The following CFHR4 variants were observed in gnomAD, a reference collection of about 807,000 sequenced individuals.
CFHR4 encodes complement factor H related 4.
CFHR4 carries 64 observed loss-of-function variants against 69.3 expected under a neutral mutation model. The ratio of observed to expected loss-of-function variants is 0.92; its 90% CI spans 0.76 to 1.14. The LOEUF (loss-of-function observed/expected upper bound fraction) is 1.14, where lower values mean the gene tolerates loss of function less well. Ranked by LOEUF, CFHR4 falls within the 50% of genes most tolerant of loss-of-function variation. The pLI is 0.00. For synonymous variants in CFHR4, 244 were observed against 237.0 expected, an observed-to-expected ratio of 1.03 and a Z score of -0.27; for missense variants, 636 against 684.9, an observed-to-expected ratio of 0.93 and a Z score of 0.80.
intron 1 of CFHR4, among the ~76,000 whole-genome samples, chr1:196,894,770 G>A (rs1282060439): frequency 1.3e-5 from 2 of 151,190 alleles, no homozygotes; most frequent in African/African-American, 4.9e-5. Context: ...ATTTGATTAT[G>A]ACCAAGTATA....
At chr1:196,891,196 G>A (rs974098062) in intron 1 of CFHR4, among the ~76,000 whole-genome samples, 2 of 151,492 alleles carry the variant, frequency 1.3e-5, no homozygotes, top group Non-Finnish European at 2.9e-5. Flanking sequence ...AGGTTGCAGT[G>A]AGCCAAGATC....
At chr1:196,902,324 A>G (rs1657659409) in intron 1 of CFHR4, 94 bp from the exon 2 acceptor site, 1 of 901,116 alleles carries the variant, frequency 1.1e-6, no homozygotes, top group Non-Finnish European at 1.7e-6. Flanking sequence ...CATTACACTA[A>G]GAAGAGAATA....
chr1:196,914,524 TC>T lies in CFHR4; in HGVS notation c.1212del (p.Arg405GlufsTer34). On this transcript the variant is annotated frameshift_variant, in exon 8 of 10. Coordinates refer to ENST00000608469, the MANE Select transcript of CFHR4 (RefSeq NM_001201550.3). LOFTEE classifies it high-confidence loss of function. ...TTGTGATATGCCTGTTTTTGAGAAT[TC>T]CAGAGCCAAGAGTAATGGCATGCGG... is the stretch of plus-strand genomic sequence containing the variant. ...KFCDMPVFEN[S>X]RAKSNGMRFK... The T allele has an allele frequency of 6.2e-7, 1 of 1,606,060 alleles. No individual in the cohort carries two copies. The highest frequency in any genetic ancestry group is 1.1e-5 in the South Asian group (1 of 89,406).
At chr1:196,897,300 C>A (rs376747706) in intron 1 of CFHR4, among the ~76,000 whole-genome samples, 3 of 151,428 alleles carry the variant, frequency 2.0e-5, no homozygotes, top group Non-Finnish European at 4.4e-5. Context: ...TCTGGCCCCA[C>A]GGCAGCGTCT....
intron 9 of CFHR4, 81 bp downstream of exon 9, chr1:196,915,219 G>A: frequency 7.8e-7 from 1 of 1,281,042 alleles, no homozygotes; most frequent in Non-Finnish European, 1.1e-6. Flanking sequence ...AATTTTTATG[G>A]GTTATTACCC....
intron 1 of CFHR4, among the ~76,000 whole-genome samples, chr1:196,900,454 T>G (rs924824287): frequency 6.6e-6 from 1 of 151,236 alleles, no homozygotes; most frequent in African/African-American, 2.4e-5. Flanking sequence ...TACTTTTAAT[T>G]ATACTTCCTT....
intron 1 of CFHR4, among the ~76,000 whole-genome samples, chr1:196,894,128 C>T (rs1272149642): frequency 5.9e-5 from 9 of 151,498 alleles, no homozygotes; most frequent in Admixed American, 2.0e-4. Flanking sequence ...CCCCCTTTTC[C>T]GTTGTTAATG....
At chr1:196,917,216 A>T (rs1193935007) in intron 9 of CFHR4, among the ~76,000 whole-genome samples, 1 of 151,854 alleles carries the variant, frequency 6.6e-6, no homozygotes, top group Admixed American at 6.6e-5. Flanking sequence ...ACTAGAATGC[A>T]GAATACTTGA....
chr1:196,905,052 C>G, intron 2 of CFHR4, 56 bp from the exon 3 acceptor site: 2 of 1,415,166 alleles, frequency 1.4e-6, no homozygotes, highest in Non-Finnish European at 1.9e-6. Flanking sequence ...TTGTTCCCTT[C>G]TATAAAAGAA....
chr1:196,909,585 A>T (rs1488002615), intron 5 of CFHR4, among the ~76,000 whole-genome samples: 2 of 151,510 alleles, frequency 1.3e-5, no homozygotes, highest in Non-Finnish European at 2.9e-5. Flanking sequence ...AGATGGATTA[A>T]AATATGATTT....
rs1410063714 is a variant in CFHR4 at position 196,911,725 on chromosome 1, T to C, written c.998-1015T>C. Reference sequence around the variant, plus strand: ...GTCCTCAACAATAGGCCTAAGCCACTGAAAGAAAAGTCCCTTTTTCTCCTG... The same window carrying C: ...GTCCTCAACAATAGGCCTAAGCCACCGAAAGAAAAGTCCCTTTTTCTCCTG... On this transcript the variant is annotated intron_variant, in intron 6 of 9. Coordinates refer to ENST00000608469, the MANE Select transcript of CFHR4 (RefSeq NM_001201550.3). Among the ~76,000 whole-genome samples the C allele has an allele frequency of 1.3e-5, 2 of 151,586 alleles. 1 individual carries two copies. Among genetic ancestry groups the C allele is most frequent in the East Asian group, 3.9e-4 (2 of 5,184 alleles).
chr1:196,912,842 G>C lies in CFHR4; in HGVS notation c.1100G>C (p.Gly367Ala). Residue 367 changes from glycine to alanine, a missense_variant, in exon 7 of 10, where the codon GGA becomes GCA. Physicochemically the swap from Gly to Ala is moderately conservative, Grantham distance 60. Around this residue, in one of 3 missense-constraint regions of CFHR4, gnomAD observed 529 missense variants for 533.2 expected, o/e 0.99. Transcript: ENST00000608469. ...NKEIQYKCKP[G>A]YATADGNSSG... The stretch of plus-strand genomic sequence containing the variant: ...GAAATACAATATAAATGTAAACCAG[G>C]ATATGCAACAGCAGATGGAAATTCT... 6.2e-7 allele frequency: 1 copy of C among 1,610,714 alleles called. No individual in the cohort carries two copies. The highest frequency in any genetic ancestry group is 1.1e-5 in the South Asian group (1 of 90,488).
intron 3 of CFHR4, among the ~76,000 whole-genome samples, chr1:196,906,456 T>C (rs1558244456): frequency 6.6e-6 from 1 of 151,434 alleles, no homozygotes; most frequent in Non-Finnish European, 1.5e-5. Flanking sequence ...ATAATTTTAA[T>C]CCAACTTATA....
At position 196,888,183 on chromosome 1, in the gene CFHR4, G is replaced by T; in HGVS notation, c.33G>T (p.Leu11Phe). 2 of 1,611,240 alleles carry T rather than the reference G, an allele frequency of 1.2e-6. No homozygotes were observed. The highest frequency in any genetic ancestry group is 1.7e-6 in the Non-Finnish European group (2 of 1,178,644). MLLLINVILT[L>F]WVSCANGQEV... ...TACTAATCAATGTCATTCTGACCTT[G>T]TGGGTTTCCTGTGCTAATGGACAAG... Residue 11 changes from leucine to phenylalanine, a missense_variant, in exon 1 of 10, where the codon TTG (leucine) becomes TTT (phenylalanine). Leu to Phe is a conservative substitution (Grantham distance 22, BLOSUM62 0). Coordinates refer to ENST00000608469, the MANE Select transcript of CFHR4 (RefSeq NM_001201550.3).
chr1:196,896,930 G>T (rs147007272), intron 1 of CFHR4, among the ~76,000 whole-genome samples: 3 of 151,224 alleles, frequency 2.0e-5, no homozygotes, highest in African/African-American at 7.3e-5. Flanking sequence ...AAGTTCTAGG[G>T]TACATGTGCA....
chr1:196,902,396 G>A (rs370363594), intron 1 of CFHR4, 22 bp from the exon 2 acceptor site: 2 of 1,496,468 alleles, frequency 1.3e-6, no homozygotes, highest in Non-Finnish European at 1.8e-6. Flanking sequence ...TATTTATACT[G>A]TTTTTTGTTT....
In CFHR4 at chr1:196,918,621, C is replaced by A. The variant is rs1658794535; in HGVS notation, c.*215C>A. 8.3e-6 allele frequency: 4 copies of A among 483,742 alleles called. No individual in the cohort carries two copies. The highest frequency in any genetic ancestry group is 8.2e-5 in the East Asian group (2 of 24,254). The allele number at this position is 483,742 out of a possible 1,614,324, so 30.0% of individuals were successfully genotyped here. A position where few individuals can be genotyped will look rare whatever the true frequency, so the allele number is the denominator to read the frequency against. The stretch of plus-strand genomic sequence containing the variant: ...GCTTGTACTAAAATAATAAAAACTA[C>A]CCTTATATTGGACTTCCTATCAATG... On this transcript the variant is annotated 3_prime_UTR_variant, in exon 10 of 10. Coordinates refer to ENST00000608469, the MANE Select transcript of CFHR4 (RefSeq NM_001201550.3).
At chr1:196,897,800 C>T (rs1467461562) in intron 1 of CFHR4, among the ~76,000 whole-genome samples, 1 of 150,832 alleles carries the variant, frequency 6.6e-6, no homozygotes. Context: ...CATGGAGGGC[C>T]AAAAGGCAAC....
chr1:196,914,805 AG>A (rs1658496532), intron 8 of CFHR4, 134 bp downstream of exon 8: 1 of 1,432,544 alleles, frequency 7.0e-7, no homozygotes. Context: ...AATTATCTTG[AG>A]ACTTAAAAAA....
Sources: allele counts gnomAD v4.1 joint callset (sites outside exome capture counted in the v4.1 genomes callset), GRCh38; gene constraint gnomAD v4.1.1; regional missense constraint gnomAD v4.1.1; transcripts MANE v1.5; gene names NCBI Gene and HGNC (gene_info 2026-07-23, HGNC 2026-07-21).